FYN: variants seen among roughly 807,000 people sequenced by gnomAD.
FYN encodes FYN proto-oncogene, Src family tyrosine kinase.
Under a neutral mutation model 70.2 loss-of-function variants are expected in FYN, and 10 were observed. The ratio of observed to expected loss-of-function variants is 0.14; its 90% CI spans 0.09 to 0.24. The LOEUF (loss-of-function observed/expected upper bound fraction) is 0.24. Among genes scored for constraint, FYN ranks in the 10% least tolerant of loss-of-function variants. The pLI is 1.00. For synonymous variants in FYN, 236 were observed against 248.6 expected (o/e 0.95, Z 0.48); for missense variants, 319 against 673.1 (o/e 0.47, Z 5.82).
At chr6:111,822,666 A>T (rs1772707126) in intron 2 of FYN, among the ~76,000 whole-genome samples, 1 of 151,270 alleles carries the variant, frequency 6.6e-6, no homozygotes, top group Non-Finnish European at 1.5e-5. Flanking sequence ...AGACAGAGAC[A>T]ATAATCTAAA....
At chr6:111,738,394 A>C (rs894500669) in intron 3 of FYN, among the ~76,000 whole-genome samples, 5 of 152,214 alleles carry the variant, frequency 3.3e-5, no homozygotes, top group Non-Finnish European at 7.3e-5. Context: ...GAAGGCTTAC[A>C]ACCTCAACTC....
intron 3 of FYN, among the ~76,000 whole-genome samples, chr6:111,763,899 C>A (rs1332732713): frequency 6.6e-6 from 1 of 152,030 alleles, no homozygotes; most frequent in Non-Finnish European, 1.5e-5. Flanking sequence ...GGGTGCTGTG[C>A]AGATTAAATG....
chr6:111,766,643 G>A (rs1468933322), intron 3 of FYN, among the ~76,000 whole-genome samples: 1 of 152,150 alleles, frequency 6.6e-6, no homozygotes, highest in Non-Finnish European at 1.5e-5. Flanking sequence ...ATGGCAGAAG[G>A]GGAAGCAATC....
intron 3 of FYN, among the ~76,000 whole-genome samples, chr6:111,721,774 G>A (rs1462118038): frequency 6.6e-6 from 1 of 151,988 alleles, no homozygotes. Context: ...GAGAAGTGAA[G>A]AAGATTCAGA....
intron 3 of FYN, among the ~76,000 whole-genome samples, chr6:111,731,058 T>G (rs1015411088): frequency 7.2e-5 from 11 of 152,146 alleles, no homozygotes; most frequent in Admixed American, 1.3e-4. Context: ...ACAAAGCGGC[T>G]GTTTGAATAG....
chr6:111,761,219 C>G (rs1562509962), intron 3 of FYN, among the ~76,000 whole-genome samples: 1 of 152,238 alleles, frequency 6.6e-6, no homozygotes, highest in Non-Finnish European at 1.5e-5. Context: ...CATTCTTTAT[C>G]TGAGTCCAAA....
chr6:111,673,622 G>GTTTTTTTATTTTTTTTTTTTTT (rs1798399623), intron 13 of FYN, among the ~76,000 whole-genome samples: 1 of 116,558 alleles, frequency 8.6e-6, no homozygotes, highest in Non-Finnish European at 1.7e-5. Context: ...TTCTATCATT[G>GTTTTTTTATTTTTTTTTTTTTT]TTTTTTTTTT....
At chr6:111,845,502 G>T (rs1410344898) in intron 2 of FYN, among the ~76,000 whole-genome samples, 1 of 152,328 alleles carries the variant, frequency 6.6e-6, no homozygotes, top group Non-Finnish European at 1.5e-5. Context: ...CCTGCATGGG[G>T]TCAAAGGTCA....
intron 3 of FYN, among the ~76,000 whole-genome samples, chr6:111,743,032 T>A (rs143294667): frequency 0.011 from 1,661 of 151,634 alleles, 23 homozygotes; most frequent in African/African-American, 0.036. Context: ...AGTGGCACGA[T>A]CTCGGCTCGT....
chr6:111,679,071 TTCTCCTCTGCTTCCCTCCTC>T (rs1042880245), intron 12 of FYN, among the ~76,000 whole-genome samples: 5 of 152,196 alleles, frequency 3.3e-5, no homozygotes, highest in African/African-American at 1.2e-4. Context: ...CCCAGACTTG[TTCTCCTCTGCTTCCCTCCTC>T]TCTCCTCTGC....
At chr6:111,714,792 T>C (rs993968963) in intron 4 of FYN, among the ~76,000 whole-genome samples, 1 of 152,244 alleles carries the variant, frequency 6.6e-6, no homozygotes, top group Non-Finnish European at 1.5e-5. Context: ...CTGCAGCAGT[T>C]ACTGACATCC....
At chr6:111,853,040 A>G (rs1332309021) in intron 1 of FYN, among the ~76,000 whole-genome samples, 1 of 152,180 alleles carries the variant, frequency 6.6e-6, no homozygotes, top group East Asian at 1.9e-4. Flanking sequence ...GGTCTCTGAG[A>G]ATTGCCTGAG....
chr6:111,847,588 T>C (rs1030516850), intron 1 of FYN, among the ~76,000 whole-genome samples: 1 of 152,128 alleles, frequency 6.6e-6, no homozygotes, highest in Non-Finnish European at 1.5e-5. Context: ...ATGTGACTCT[T>C]AGTATCTTTC....
At chr6:111,700,982 TAA>T (rs554639957) in intron 8 of FYN, among the ~76,000 whole-genome samples, 1 of 141,868 alleles carries the variant, frequency 7.0e-6, no homozygotes, top group African/African-American at 2.6e-5. Flanking sequence ...TATTTTCCAT[TAA>T]AAAAAAAAAA....
intron 13 of FYN, among the ~76,000 whole-genome samples, chr6:111,670,744 T>C (rs1583285802): frequency 9.6e-6 from 1 of 104,502 alleles, no homozygotes; most frequent in Non-Finnish European, 1.7e-5. Context: ...CTAACTCTGT[T>C]GGCAACAATG....
intron 3 of FYN, among the ~76,000 whole-genome samples, chr6:111,741,836 C>T (rs901595808): frequency 3.9e-5 from 6 of 152,166 alleles, no homozygotes; most frequent in Non-Finnish European, 7.3e-5. Context: ...ATTTCTGATG[C>T]GGTTGGTCTG....
chr6:111,663,817 T>C lies in FYN; in HGVS notation c.1406-1870A>G, dbSNP rs558990045. Among the ~76,000 whole-genome samples the C allele has an allele frequency of 4.6e-4, 70 of 151,804 alleles. 1 individual carries two copies. The highest frequency in any genetic ancestry group is 3.3e-3 in the Admixed American group (50 of 15,284). ...CTAATTAGCCTACATCCTCCTCCAA[T>C]GGCTGAAAATGGGGGATGGGGGCGG... On this transcript the variant is annotated intron_variant, in intron 13 of 13. Transcript: ENST00000354650.
At chr6:111,691,321 C>T (rs991145984) in intron 12 of FYN, among the ~76,000 whole-genome samples, 1 of 152,130 alleles carries the variant, frequency 6.6e-6, no homozygotes, top group African/African-American at 2.4e-5. Flanking sequence ...TTTCCGTGCA[C>T]GCTGAGATGG....
chr6:111,714,488 G>T, intron 4 of FYN, 45 bp from the exon 5 acceptor site: 2 of 1,318,580 alleles, frequency 1.5e-6, no homozygotes, highest in Non-Finnish European at 2.2e-6. Context: ...TACACAAGGG[G>T]AAATTAATTC....
Sources: gnomAD v4.1 joint callset for allele counts (sites outside exome capture counted in the v4.1 genomes callset) on GRCh38, gnomAD v4.1.1 for gene constraint, MANE v1.5 for transcripts, NCBI Gene and HGNC (gene_info 2026-07-23, HGNC 2026-07-21) for gene names.